ZYG11A: variants seen among roughly 807,000 people sequenced by gnomAD.
ZYG11A encodes protein zyg-11 homolog A.
ZYG11A carries 62 observed loss-of-function variants against 77.2 expected under a neutral mutation model. The ratio of observed to expected loss-of-function variants is 0.80; its 90% CI spans 0.65 to 0.99. The LOEUF is 0.99. ZYG11A is among the 50% of genes least tolerant of loss of function. The probability of loss-of-function intolerance (pLI) is 0.00; values close to 1 mark genes in which losing one functional copy is unlikely to be tolerated. For missense variants in ZYG11A, 828 were observed against 896.8 expected, an observed-to-expected ratio of 0.92 and a Z score of 0.98; for synonymous variants, 315 against 324.6, an observed-to-expected ratio of 0.97 and a Z score of 0.32.
Position 52,894,044 on chromosome 1 carries a change from C to T in ZYG11A, c.*1087C>T, listed in dbSNP as rs1171860412. On this transcript the variant is annotated 3_prime_UTR_variant, in exon 14 of 14. Coordinates refer to ENST00000371528, the MANE Select transcript of ZYG11A (RefSeq NM_001004339.3). ...GTCAGGCTGGTCTCGACCTCCTGAC[C>T]TCGTGATCCACCCGTCTCGGCCTCC... is the stretch of plus-strand genomic sequence containing the variant. 6.6e-6 allele frequency: 1 copy of T among 151,938 alleles called. No individual in the cohort carries two copies. The highest frequency in any genetic ancestry group is 6.6e-5 in the Admixed American group (1 of 15,244). 9.4% of individuals were successfully genotyped at this position (151,938 alleles called of 1,614,324 possible).
In ZYG11A at chr1:52,892,884, C is replaced by T. The variant is rs1339100114; in HGVS notation, c.2207C>T (p.Ala736Val). 1.3e-6 allele frequency: 2 copies of T among 1,551,792 alleles called. No homozygotes were observed. Among genetic ancestry groups the T allele is most frequent in the Non-Finnish European group, 1.7e-6 (2 of 1,146,984 alleles). The change falls in exon 14 of 14, where the codon GCC (alanine) becomes GTC (valine). Residue 736 changes from alanine to valine, a missense_variant. Physicochemically the swap from Ala to Val is moderately conservative, Grantham distance 64. Transcript: ENST00000371528. ...EATPKAQQIA[A>V]SILDDFRMHF... The stretch of plus-strand genomic sequence containing the variant: ...ACCCCCAAAGCACAGCAGATTGCAG[C>T]CTCCATTCTGGATGACTTCAGAATG...
In ZYG11A at chr1:52,860,717, A is replaced by G; in HGVS notation, c.1009-14A>G. Reference sequence around the variant, plus strand: ...TGAATGGTGAAACCTGTTTGGTAACATCTTTATTTTCAGGTTGCTGGAGGA... The same window carrying G: ...TGAATGGTGAAACCTGTTTGGTAACGTCTTTATTTTCAGGTTGCTGGAGGA... On this transcript the variant is annotated splice_polypyrimidine_tract_variant and intron_variant, in intron 3 of 13. Coordinates refer to ENST00000371528, the MANE Select transcript of ZYG11A (RefSeq NM_001004339.3). The G allele has an allele frequency of 6.5e-7, 1 of 1,549,864 alleles. No homozygotes were observed. The highest frequency in any genetic ancestry group is 1.7e-4 in the Middle Eastern group (1 of 5,980).
intron 5 of ZYG11A, among the ~76,000 whole-genome samples, chr1:52,865,373 C>A (rs1372513625): frequency 2.0e-5 from 3 of 152,158 alleles, no homozygotes; most frequent in South Asian, 2.1e-4. Context: ...CAGTACAAAT[C>A]AGTTATAAAA....
chr1:52,861,725 A>G (rs534353229), intron 4 of ZYG11A, among the ~76,000 whole-genome samples: 21 of 152,062 alleles, frequency 1.4e-4, no homozygotes, highest in Admixed American at 1.4e-3. Flanking sequence ...AGCATGGGAG[A>G]TTAACTTTAT....
Position 52,892,909 on chromosome 1 carries a change from G to A in ZYG11A, c.2232G>A (p.Met744Ile). ...IAASILDDFR[M>I]HFMNYQRPTL... ...CCTCCATTCTGGATGACTTCAGAAT[G>A]CATTTCATGAATTATCAGAGGCCCA... Residue 744 changes from methionine (M) to isoleucine (I), a missense_variant, in exon 14 of 14, where the codon ATG (methionine) becomes ATA (isoleucine). Coordinates refer to ENST00000371528, the MANE Select transcript of ZYG11A (RefSeq NM_001004339.3). The A allele has an allele frequency of 1.9e-6, 3 of 1,551,852 alleles. No individual in the cohort carries two copies. Among genetic ancestry groups the A allele is most frequent in the South Asian group, 2.4e-5 (2 of 84,068 alleles).
chr1:52,880,887 G>A (rs1377839972), intron 10 of ZYG11A, among the ~76,000 whole-genome samples: 1 of 152,178 alleles, frequency 6.6e-6, no homozygotes, highest in East Asian at 1.9e-4. Flanking sequence ...TCAGAGAAGA[G>A]GGTCTAGCTA....
chr1:52,853,810 A>C (rs1645758442), intron 1 of ZYG11A, among the ~76,000 whole-genome samples: 1 of 152,156 alleles, frequency 6.6e-6, no homozygotes, highest in South Asian at 2.1e-4. Flanking sequence ...CAGGAGGCTG[A>C]GTGGAAGGAT....
At chr1:52,875,038 A>C (rs550157808) in intron 8 of ZYG11A, among the ~76,000 whole-genome samples, 9 of 152,222 alleles carry the variant, frequency 5.9e-5, no homozygotes, top group Non-Finnish European at 1.3e-4. Flanking sequence ...TATTGGAAAA[A>C]AAATAGGATG....
intron 6 of ZYG11A, among the ~76,000 whole-genome samples, chr1:52,866,799 A>T (rs1016123888): frequency 8.5e-5 from 13 of 152,206 alleles, no homozygotes; most frequent in African/African-American, 2.9e-4. Context: ...CTCAAGATCT[A>T]GCCCTTCCAT....
At chr1:52,870,874 TG>T (rs1243050965) in intron 8 of ZYG11A, among the ~76,000 whole-genome samples, 1 of 128,340 alleles carries the variant, frequency 7.8e-6, no homozygotes, top group African/African-American at 3.0e-5. Flanking sequence ...AGGGAGACCG[TG>T]GGGAGGGGGA....
chr1:52,878,974 A>C (rs999858326), intron 10 of ZYG11A, among the ~76,000 whole-genome samples: 3 of 60,288 alleles, frequency 5.0e-5, no homozygotes, highest in South Asian at 7.7e-4. Context: ...AAAAAAAAAA[A>C]ACAAACCAAA....
intron 1 of ZYG11A, among the ~76,000 whole-genome samples, chr1:52,847,809 A>G (rs1248511311): frequency 2.0e-5 from 3 of 149,490 alleles, no homozygotes; most frequent in African/African-American, 4.9e-5. Flanking sequence ...AGCTGGGACT[A>G]CAGGTGTGTG....
rs548033041 is a variant in ZYG11A at position 52,872,297 on chromosome 1, T to C, written c.1542+4520T>C. ...TTTTGTATCTTTAGTATAGATGAGG[T>C]TTCGCCATGTTGGCCAGTCTGGTCT... On this transcript the variant is annotated intron_variant, in intron 8 of 13. Coordinates refer to ENST00000371528, the MANE Select transcript of ZYG11A (RefSeq NM_001004339.3). Among the ~76,000 whole-genome samples, 7 of 152,084 alleles carry C rather than the reference T, an allele frequency of 4.6e-5. No individual in the cohort carries two copies. In the South Asian group the frequency reaches 1.5e-3, roughly 32 times the overall value.
chr1:52,884,602 C>G (rs530580396), intron 11 of ZYG11A, among the ~76,000 whole-genome samples: 10 of 152,056 alleles, frequency 6.6e-5, no homozygotes, highest in African/African-American at 2.4e-4. Flanking sequence ...TACAGTGAGC[C>G]GAGATCGTGC....
rs1435219555 is a variant in ZYG11A at position 52,867,572 on chromosome 1, C to T, written c.1425C>T (p.Leu475=). ...FDAAKFVMRW[L]CKHENPKMQT... The stretch of plus-strand genomic sequence containing the variant: ...CTGCCAAGTTTGTCATGAGATGGCT[C>T]TGTAAGCATGAAAACCCCAAGATGC... Residue 475 remains leucine, a synonymous_variant, in exon 7 of 14, where the codon CTC becomes CTT. Coordinates refer to ENST00000371528, the MANE Select transcript of ZYG11A (RefSeq NM_001004339.3). 1.3e-6 allele frequency: 2 copies of T among 1,552,132 alleles called. No homozygotes were observed. Among genetic ancestry groups the T allele is most frequent in the African/African-American group, 1.4e-5 (1 of 73,050 alleles).
At chr1:52,889,743 G>A (rs1182718204) in intron 13 of ZYG11A, among the ~76,000 whole-genome samples, 7 of 143,158 alleles carry the variant, frequency 4.9e-5, no homozygotes, top group African/African-American at 5.2e-5. Context: ...ATGGAGTCTC[G>A]CTCTGTCACC....
intron 8 of ZYG11A, among the ~76,000 whole-genome samples, chr1:52,868,523 T>TG (rs1646072923): frequency 6.6e-6 from 1 of 152,210 alleles, no homozygotes; most frequent in Admixed American, 6.5e-5. Flanking sequence ...GGCTCACGCC[T>TG]GTAATCCCAG....
At chr1:52,843,801 C>T (rs1645506310) in intron 1 of ZYG11A, among the ~76,000 whole-genome samples, 1 of 151,402 alleles carries the variant, frequency 6.6e-6, no homozygotes, top group Admixed American at 6.6e-5. Context: ...ATTCTTCTGC[C>T]TCAGCCTCCC....
intron 1 of ZYG11A, among the ~76,000 whole-genome samples, chr1:52,851,251 T>G (rs888691621): frequency 1.3e-5 from 2 of 152,024 alleles, no homozygotes; most frequent in Non-Finnish European, 2.9e-5. Flanking sequence ...TTGCCATGTT[T>G]CCACATCTGG....
Sources: allele counts gnomAD v4.1 joint callset (sites outside exome capture counted in the v4.1 genomes callset), GRCh38; gene constraint gnomAD v4.1.1; transcripts MANE v1.5; gene names NCBI Gene and HGNC (gene_info 2026-07-23, HGNC 2026-07-21).